The following FUBP1 variants were observed in gnomAD, a reference collection of about 807,000 sequenced individuals.
FUBP1 encodes the protein far upstream element-binding protein 1.
FUBP1 carries 16 observed loss-of-function variants against 94.9 expected under a neutral mutation model. That is an observed-to-expected ratio of 0.17 (90% confidence interval 0.11 to 0.26). FUBP1 has a LOEUF of 0.26. FUBP1 is among the 10% of genes least tolerant of loss of function. The probability of loss-of-function intolerance (pLI) is 1.00; values close to 1 mark genes in which losing one functional copy is unlikely to be tolerated. For synonymous variants in FUBP1, 279 were observed against 254.9 expected, an observed-to-expected ratio of 1.09 and a Z score of -0.90; for missense variants, 583 against 808.6, an observed-to-expected ratio of 0.72 and a Z score of 3.38.
intron 1 of FUBP1, among the ~76,000 whole-genome samples, chr1:77,973,095 A>G (rs1336120887): frequency 6.6e-6 from 1 of 152,092 alleles, no homozygotes; most frequent in African/African-American, 2.4e-5. Flanking sequence ...CACAATTCCT[A>G]GGTGACTACA....
In FUBP1 at chr1:77,964,372, C is replaced by CT. The variant is rs780106523; in HGVS notation, c.838-17dup. On this transcript the variant is annotated splice_polypyrimidine_tract_variant and intron_variant, in intron 10 of 19. Coordinates refer to ENST00000370768, the MANE Select transcript of FUBP1 (RefSeq NM_003902.5). ...GAATGGGGACCTTATGTAAAAAAGA[C>CT]TAAGTATTAAGAAAGCTAGCTTCTC... The CT allele has an allele frequency of 6.9e-7, 1 of 1,455,470 alleles. No homozygotes were observed. Among genetic ancestry groups the CT allele is most frequent in the South Asian group, 1.1e-5 (1 of 87,646 alleles). The allele number at this position is 1,455,470 out of a possible 1,614,324, so 90.2% of individuals were successfully genotyped here. A position where few individuals can be genotyped will look rare whatever the true frequency, so the allele number is the denominator to read the frequency against.
chr1:77,948,443 AT>A lies in FUBP1; in HGVS notation c.*322del. On this transcript the variant is annotated 3_prime_UTR_variant, in exon 20 of 20. Transcript: ENST00000370768. ...ATTTATTGTAAAGCACAAAACAGGC[AT>A]TTTAAAAGTGAAAGTATACATTGAA... The A allele has an allele frequency of 8.8e-7, 1 of 1,138,000 alleles. No individual in the cohort carries two copies. Among genetic ancestry groups the A allele is most frequent in the Non-Finnish European group, 1.1e-6 (1 of 926,040 alleles). The allele number at this position is 1,138,000 out of a possible 1,614,324, so 70.5% of individuals were successfully genotyped here.
chr1:77,945,728 T>C lies in FUBP1; in HGVS notation c.*3038A>G, dbSNP rs1280896370. 1 of 213,200 alleles carries C rather than the reference T, an allele frequency of 4.7e-6. No homozygotes were observed. The highest frequency in any genetic ancestry group is 9.5e-6 in the Non-Finnish European group (1 of 105,312). The allele number at this position is 213,200 out of a possible 1,614,324, so 13.2% of individuals were successfully genotyped here. On this transcript the variant is annotated 3_prime_UTR_variant, in exon 20 of 20. Coordinates refer to ENST00000370768, the MANE Select transcript of FUBP1 (RefSeq NM_003902.5). Reference sequence around the variant, plus strand: ...GAGTTTTAAAAGGATCAGCACATTTTAGAAATCGAATAAACAAAACTGATA... The same window carrying C: ...GAGTTTTAAAAGGATCAGCACATTTCAGAAATCGAATAAACAAAACTGATA...
upstream of FUBP1, chr1:77,979,205 C>A: frequency 3.5e-6 from 2 of 572,926 alleles, no homozygotes; most frequent in South Asian, 2.3e-5. Flanking sequence ...TGAGAAAGAA[C>A]GACAGGAACA....
intron 14 of FUBP1, among the ~76,000 whole-genome samples, chr1:77,961,843 ATCCTCT>A (rs959570019): frequency 1.3e-5 from 2 of 152,084 alleles, no homozygotes; most frequent in African/African-American, 4.8e-5. Flanking sequence ...CTCTACAAAC[ATCCTCT>A]TCATTTTTTG....
intron 2 of FUBP1, among the ~76,000 whole-genome samples, chr1:77,969,546 C>T (rs936413633): frequency 4.0e-5 from 6 of 151,858 alleles, no homozygotes; most frequent in African/African-American, 7.3e-5. Context: ...AGAAAAATGA[C>T]GAAAATACAG....
chr1:77,951,754 G>T, intron 18 of FUBP1, among the ~76,000 whole-genome samples: 1 of 152,138 alleles, frequency 6.6e-6, no homozygotes, highest in South Asian at 2.1e-4. Context: ...TAAAAGACTT[G>T]CTCTAGAGTT....
intron 1 of FUBP1, among the ~76,000 whole-genome samples, chr1:77,976,227 A>G (rs945877826): frequency 2.2e-4 from 34 of 152,254 alleles, no homozygotes; most frequent in African/African-American, 8.0e-4. Context: ...ACTTTTGTCT[A>G]AGTACGCTTC....
chr1:77,964,849 A>G (rs1455503658), intron 9 of FUBP1, 21 bp downstream of exon 9: 1 of 1,538,912 alleles, frequency 6.5e-7, no homozygotes, highest in Non-Finnish European at 9.0e-7. Context: ...CTTTCTTTAT[A>G]AAGTATAAAG....
At chr1:77,963,749 G>C (rs1462272148) in intron 12 of FUBP1, 34 bp from the exon 13 acceptor site, 1 of 1,547,656 alleles carries the variant, frequency 6.5e-7, no homozygotes, top group Non-Finnish European at 8.8e-7. Flanking sequence ...CGAAGAGTCA[G>C]CACAGAAATA....
intron 12 of FUBP1, among the ~76,000 whole-genome samples, 172 bp from the exon 13 acceptor site, chr1:77,963,887 G>A (rs999923532): frequency 6.6e-6 from 1 of 152,188 alleles, no homozygotes; most frequent in Admixed American, 6.5e-5. Context: ...AAATAAGGTA[G>A]CACTTAAGGT....
intron 16 of FUBP1, among the ~76,000 whole-genome samples, chr1:77,958,037 C>A (rs1372721103): frequency 6.6e-6 from 1 of 152,096 alleles, no homozygotes; most frequent in Non-Finnish European, 1.5e-5. Flanking sequence ...AGTGATCCGC[C>A]CGCCTCAGCC....
chr1:77,944,603 C>G lies in FUBP1; in HGVS notation c.*4163G>C, dbSNP rs553273633. Among the ~76,000 whole-genome samples the G allele has an allele frequency of 9.2e-5, 14 of 151,976 alleles. No homozygotes were observed. The highest frequency in any genetic ancestry group is 3.4e-4 in the African/African-American group (14 of 41,534). ...AGACATCCTCACTGATTAGTAAACTCTACATCATTATTCTACACAACAGAT... is the reference window on the plus strand; with the variant it reads ...AGACATCCTCACTGATTAGTAAACTGTACATCATTATTCTACACAACAGAT... On this transcript the variant is annotated 3_prime_UTR_variant, in exon 20 of 20. Coordinates refer to ENST00000370768, the MANE Select transcript of FUBP1 (RefSeq NM_003902.5).
At chr1:77,967,165 T>A in intron 4 of FUBP1, 64 bp from the exon 5 acceptor site, 3 of 1,045,432 alleles carry the variant, frequency 2.9e-6, no homozygotes, top group Non-Finnish European at 4.3e-6. Flanking sequence ...AAATAAAAGA[T>A]AATCTATTAA....
chr1:77,967,501 GTGATA>G (rs1291791397), intron 4 of FUBP1, 121 bp downstream of exon 4: 8 of 665,454 alleles, frequency 1.2e-5, no homozygotes, highest in Non-Finnish European at 2.1e-5. Flanking sequence ...CCCAAGGGGA[GTGATA>G]TGAACTAGGT....
At chr1:77,960,130 G>GT (rs1266422239) in intron 16 of FUBP1, 54 bp downstream of exon 16, 1 of 1,236,860 alleles carries the variant, frequency 8.1e-7, no homozygotes, top group Non-Finnish European at 1.2e-6. Flanking sequence ...ATTTAATAAT[G>GT]TAACAGGAGT....
chr1:77,976,002 C>G (rs946024389), intron 1 of FUBP1, among the ~76,000 whole-genome samples: 2 of 152,158 alleles, frequency 1.3e-5, no homozygotes, highest in Non-Finnish European at 2.9e-5. Flanking sequence ...TGAATAACAA[C>G]TATCCAGCTA....
intron 18 of FUBP1, 117 bp from the exon 19 acceptor site, chr1:77,949,417 G>A: frequency 1.3e-6 from 1 of 779,956 alleles, no homozygotes; most frequent in Non-Finnish European, 2.0e-6. Context: ...GAATAATCTT[G>A]TGTTTGCCCT....
In FUBP1 at chr1:77,978,978, G is replaced by C. The variant is rs745676384; in HGVS notation, c.27C>G (p.Pro9=). The C allele has an allele frequency of 1.8e-5, 29 of 1,613,642 alleles. 1 individual carries two copies. In the South Asian group the frequency reaches 3.1e-4, roughly 17 times the overall value. Residue 9 remains proline (P), a synonymous_variant, in exon 1 of 20, where the codon CCC becomes CCG. Transcript: ENST00000370768. MADYSTVP[P]PSSGSAGGGG... is the part of the protein sequence containing the mutation. ...CGCCACCAGCTGAGCCAGAAGAGGG[G>C]GGAGGCACTGTTGAATAGTCTGCCA...
Sources: allele counts gnomAD v4.1 joint callset (sites outside exome capture counted in the v4.1 genomes callset), GRCh38; gene constraint gnomAD v4.1.1; transcripts MANE v1.5; gene names NCBI Gene and HGNC (gene_info 2026-07-23, HGNC 2026-07-21).